RBPMS: variants seen among roughly 807,000 people sequenced by gnomAD.
RBPMS encodes RNA-binding protein with multiple splicing.
A neutral mutation model predicts 26.8 loss-of-function variants in RBPMS; 7 were observed. The ratio of observed to expected loss-of-function variants is 0.26; its 90% CI spans 0.15 to 0.49. RBPMS has a LOEUF of 0.49. Ranked by LOEUF, RBPMS falls within the 20% of genes least tolerant of loss-of-function variation. RBPMS has a pLI of 0.98. For synonymous variants in RBPMS, 96 were observed against 93.3 expected, an observed-to-expected ratio of 1.03 and a Z score of -0.17; for missense variants, 186 against 250.0, an observed-to-expected ratio of 0.74 and a Z score of 1.73.
intron 1 of RBPMS, among the ~76,000 whole-genome samples, chr8:30,422,612 A>G (rs938983592): frequency 7.9e-5 from 12 of 152,122 alleles, no homozygotes; most frequent in Non-Finnish European, 1.8e-4. Context: ...TTTAGGCATG[A>G]GAGTGTTCCG....
intron 1 of RBPMS, among the ~76,000 whole-genome samples, chr8:30,425,899 G>T (rs1811303195): frequency 6.6e-6 from 1 of 152,134 alleles, no homozygotes; most frequent in Non-Finnish European, 1.5e-5. Context: ...ACTTGCCTGA[G>T]GTCACACAGC....
chr8:30,527,884 G>C (rs1823757837), intron 5 of RBPMS, among the ~76,000 whole-genome samples: 1 of 152,128 alleles, frequency 6.6e-6, no homozygotes, highest in African/African-American at 2.4e-5. Context: ...TTAAAGATAG[G>C]TTTAAAATGG....
chr8:30,519,172 T>A (rs1199877159), intron 5 of RBPMS, among the ~76,000 whole-genome samples: 1 of 152,158 alleles, frequency 6.6e-6, no homozygotes. Flanking sequence ...TTTCCATGGC[T>A]TGGGTTTTAT....
intron 1 of RBPMS, among the ~76,000 whole-genome samples, chr8:30,409,845 C>A (rs3116009): frequency 0.51 from 77,117 of 151,768 alleles, 19,710 homozygotes; most frequent in Middle Eastern, 0.59. Flanking sequence ...GTTGGCCAGG[C>A]TGGTCTCGAT....
chr8:30,549,538 GAGCGCTCC>G (rs754579966), intron 6 of RBPMS: 1 of 1,614,186 alleles, frequency 6.2e-7, no homozygotes, highest in Non-Finnish European at 8.5e-7. Context: ...GCCACCCCTT[GAGCGCTCC>G]GTCTCCTGAT....
chr8:30,511,262 T>C (rs577557153), intron 5 of RBPMS, among the ~76,000 whole-genome samples: 17 of 151,956 alleles, frequency 1.1e-4, no homozygotes, highest in African/African-American at 3.6e-4. Context: ...TGCAGTGAGC[T>C]GAGATCGTGC....
chr8:30,450,076 G>T (rs1408061635), intron 1 of RBPMS, among the ~76,000 whole-genome samples: 3 of 152,160 alleles, frequency 2.0e-5, no homozygotes, highest in Admixed American at 6.5e-5. Flanking sequence ...GCAGGTTGCC[G>T]CATTAAAATA....
intron 6 of RBPMS, among the ~76,000 whole-genome samples, chr8:30,546,204 C>T (rs372785385): frequency 3.0e-4 from 46 of 152,194 alleles, no homozygotes; most frequent in Non-Finnish European, 5.7e-4. Context: ...GCTAGACTGC[C>T]GGGTACAGAT....
At position 30,525,413 on chromosome 8, in the gene RBPMS, T is replaced by C. The variant is rs545785706; in HGVS notation, c.398-19081T>C. Among the ~76,000 whole-genome samples the C allele has an allele frequency of 4.6e-5, 7 of 152,342 alleles. No individual in the cohort carries two copies. The East Asian group carries it at 1.3e-3, about 29-fold the overall frequency. Reference sequence around the variant, plus strand: ...ATCTACAGTAATCCTGTAGAAACTTTAGAAATCTTTGTTTTTCTTACCCAC... The same window carrying C: ...ATCTACAGTAATCCTGTAGAAACTTCAGAAATCTTTGTTTTTCTTACCCAC... On this transcript the variant is annotated intron_variant, in intron 5 of 8. Coordinates refer to ENST00000397323, the MANE Select transcript of RBPMS (RefSeq NM_001008710.3).
At chr8:30,544,121 A>T (rs1825663013) in intron 5 of RBPMS, among the ~76,000 whole-genome samples, 1 of 152,142 alleles carries the variant, frequency 6.6e-6, no homozygotes, top group South Asian at 2.1e-4. Context: ...TTCTCATGGG[A>T]TGTCTTTCAT....
At position 30,545,030 on chromosome 8, in the gene RBPMS, G is replaced by A. The variant is rs1585833639; in HGVS notation, c.528+406G>A. 1.1e-5 allele frequency: 15 copies of A among 1,420,294 alleles called. No individual in the cohort carries two copies. In the East Asian group the frequency reaches 3.9e-4, roughly 37 times the overall value. The allele number at this position is 1,420,294 out of a possible 1,614,324, so 88.0% of individuals were successfully genotyped here. ...GATATGTGCGTCTGTGCGTGTTTCT[G>A]TGTGTTGAGAGTTTTCCACTCTCGT... On this transcript the variant is annotated intron_variant, in intron 6 of 8. Transcript: ENST00000397323.
At chr8:30,474,951 G>C in intron 2 of RBPMS, 95 bp downstream of exon 2, 1 of 805,108 alleles carries the variant, frequency 1.2e-6, no homozygotes, top group Non-Finnish European at 2.1e-6. Context: ...TATTTGAGAA[G>C]AAAACAGATG....
chr8:30,537,292 C>A (rs1824898710), intron 5 of RBPMS, among the ~76,000 whole-genome samples: 1 of 152,144 alleles, frequency 6.6e-6, no homozygotes, highest in Admixed American at 6.5e-5. Context: ...AGTGACTGGT[C>A]AGAACAGCAG....
intron 1 of RBPMS, among the ~76,000 whole-genome samples, chr8:30,420,089 A>G (rs923605651): frequency 8.5e-5 from 13 of 152,054 alleles, no homozygotes; most frequent in African/African-American, 3.1e-4. Context: ...TTAACTGGAC[A>G]TGGTGATGTG....
At chr8:30,552,424 C>T (rs1295574798) in intron 6 of RBPMS, 1 of 152,136 alleles carries the variant, frequency 6.6e-6, no homozygotes, top group Admixed American at 6.6e-5. Flanking sequence ...ATGTTTTATT[C>T]AGGATTTGTG....
intron 1 of RBPMS, among the ~76,000 whole-genome samples, chr8:30,408,815 C>G (rs891301595): frequency 1.3e-5 from 2 of 152,170 alleles, no homozygotes; most frequent in Non-Finnish European, 2.9e-5. Flanking sequence ...ATTTTGTCAA[C>G]CCCTGAAAAA....
chr8:30,456,399 T>C (rs1815219304), intron 1 of RBPMS, among the ~76,000 whole-genome samples: 1 of 149,510 alleles, frequency 6.7e-6, no homozygotes, highest in Non-Finnish European at 1.5e-5. Flanking sequence ...GGCTAAGGGG[T>C]CCATATTCTT....
intron 6 of RBPMS, among the ~76,000 whole-genome samples, chr8:30,557,190 G>C (rs957213612): frequency 6.6e-6 from 1 of 152,182 alleles, no homozygotes; most frequent in Non-Finnish European, 1.5e-5. Flanking sequence ...TGACGGAGTC[G>C]TGGTGCAGGC....
chr8:30,426,190 G>A (rs1215862374), intron 1 of RBPMS, among the ~76,000 whole-genome samples: 2 of 152,088 alleles, frequency 1.3e-5, no homozygotes, highest in African/African-American at 4.8e-5. Flanking sequence ...TCCCACCAGG[G>A]GCCAAATTGC....
Sources: gnomAD v4.1 joint callset for allele counts (sites outside exome capture counted in the v4.1 genomes callset) on GRCh38, gnomAD v4.1.1 for gene constraint, MANE v1.5 for transcripts, NCBI Gene and HGNC (gene_info 2026-07-23, HGNC 2026-07-21) for gene names.